LRRTM4: variants seen among roughly 807,000 people sequenced by gnomAD.
LRRTM4 encodes leucine rich repeat transmembrane neuronal 4.
LRRTM4 carries 25 observed loss-of-function variants against 47.6 expected under a neutral mutation model. That is an observed-to-expected ratio of 0.53 (90% CI 0.38 to 0.73). The LOEUF (loss-of-function observed/expected upper bound fraction) is 0.73. Among genes scored for constraint, LRRTM4 ranks in the 30% least tolerant of loss-of-function variants. The pLI, the probability that LRRTM4 is intolerant of heterozygous loss-of-function variation, is 0.00. For synonymous variants in LRRTM4, 311 were observed against 269.5 expected (o/e 1.15, Z -1.51); for missense variants, 638 against 713.4 (o/e 0.89, Z 1.20).
intron 3 of LRRTM4, among the ~76,000 whole-genome samples, chr2:77,020,209 T>C (rs185332536): frequency 3.3e-5 from 5 of 152,176 alleles, no homozygotes; most frequent in African/African-American, 1.2e-4. Flanking sequence ...AGAACTCTTT[T>C]GGTTTGGAAA....
chr2:76,916,028 C>G (rs1278644432), intron 3 of LRRTM4, among the ~76,000 whole-genome samples: 1 of 151,800 alleles, frequency 6.6e-6, no homozygotes, highest in African/African-American at 2.4e-5. Context: ...GAGAAATTTT[C>G]TCAATAATCA....
chr2:77,297,380 C>G (rs1677002061), intron 3 of LRRTM4, among the ~76,000 whole-genome samples: 1 of 152,118 alleles, frequency 6.6e-6, no homozygotes, highest in Non-Finnish European at 1.5e-5. Context: ...AGAGACCATC[C>G]TAATTATTTT....
intron 3 of LRRTM4, among the ~76,000 whole-genome samples, chr2:77,409,711 AAG>A (rs1164299343): frequency 6.6e-6 from 1 of 152,148 alleles, no homozygotes; most frequent in East Asian, 1.9e-4. Flanking sequence ...TTCACTTACC[AAG>A]GTGTTTGTTA....
chr2:77,072,372 T>C (rs1680183708), intron 3 of LRRTM4, among the ~76,000 whole-genome samples: 1 of 152,192 alleles, frequency 6.6e-6, no homozygotes, highest in East Asian at 1.9e-4. Context: ...TTCATTGCAA[T>C]TGAAACATTA....
At chr2:76,901,436 T>C (rs971134682) in intron 3 of LRRTM4, among the ~76,000 whole-genome samples, 3 of 152,112 alleles carry the variant, frequency 2.0e-5, no homozygotes, top group Admixed American at 6.6e-5. Flanking sequence ...CACATTTTCT[T>C]TATCTAGTCT....
At chr2:77,075,350 G>A (rs959932157) in intron 3 of LRRTM4, among the ~76,000 whole-genome samples, 11 of 152,112 alleles carry the variant, frequency 7.2e-5, no homozygotes, top group Admixed American at 2.0e-4. Flanking sequence ...TATTTGTCTC[G>A]ATAAGAAAAT....
intron 3 of LRRTM4, among the ~76,000 whole-genome samples, chr2:76,945,445 G>C (rs1241925207): frequency 6.6e-6 from 1 of 152,034 alleles, no homozygotes; most frequent in African/African-American, 2.4e-5. Flanking sequence ...TGGTGAAAAT[G>C]AAGAGTGAAC....
chr2:77,077,960 A>C (rs1572932830), intron 3 of LRRTM4, among the ~76,000 whole-genome samples: 1 of 152,266 alleles, frequency 6.6e-6, no homozygotes, highest in East Asian at 1.9e-4. Context: ...AGACACAAAG[A>C]AGTAATTTGT....
intron 3 of LRRTM4, among the ~76,000 whole-genome samples, chr2:77,480,820 GTGGAGAGAGAGA>G (rs1468551925): frequency 8.1e-5 from 8 of 99,138 alleles, no homozygotes; most frequent in African/African-American, 3.1e-4. Context: ...GTGTGTGTGT[GTGGAGAGAGAGA>G]GAGAGAGAGA....
intron 3 of LRRTM4, among the ~76,000 whole-genome samples, chr2:76,953,476 GCA>G (rs148436036): frequency 5.3e-5 from 8 of 151,630 alleles, no homozygotes; most frequent in African/African-American, 1.9e-4. Context: ...AAACACACGC[GCA>G]CACACACACA....
At position 76,751,952 on chromosome 2, in the gene LRRTM4, A is replaced by T. The variant is rs1337892322; in HGVS notation, c.1552-3036T>A. 2.0e-5 allele frequency among the ~76,000 whole-genome samples: 3 copies of T among 152,322 alleles called. 1 individual carries two copies. In the East Asian group the frequency reaches 5.8e-4, roughly 29 times the overall value. On this transcript the variant is annotated intron_variant, in intron 3 of 3. Coordinates refer to ENST00000409884, the MANE Select transcript of LRRTM4 (RefSeq NM_001134745.3). ...CAAATTATTTCCAAATGGAAACAAC[A>T]TTCACTGATTATAGAACATTTATTC...
At chr2:77,131,436 T>C (rs1481830408) in intron 3 of LRRTM4, among the ~76,000 whole-genome samples, 1 of 152,184 alleles carries the variant, frequency 6.6e-6, no homozygotes, top group Non-Finnish European at 1.5e-5. Flanking sequence ...GTTAAATTCA[T>C]AAAACAGAAT....
At chr2:77,219,694 G>T (rs1674563175) in intron 3 of LRRTM4, among the ~76,000 whole-genome samples, 1 of 152,154 alleles carries the variant, frequency 6.6e-6, no homozygotes, top group African/African-American at 2.4e-5. Flanking sequence ...AGAACCTGAG[G>T]ATTCCCGCCA....
intron 3 of LRRTM4, among the ~76,000 whole-genome samples, chr2:76,842,610 C>G (rs2103938652): frequency 6.6e-6 from 1 of 152,296 alleles, no homozygotes; most frequent in African/African-American, 2.4e-5. Flanking sequence ...AAAGTGTTGA[C>G]TCACTCACAT....
At chr2:77,036,280 C>G (rs1350480103) in intron 3 of LRRTM4, among the ~76,000 whole-genome samples, 1 of 151,658 alleles carries the variant, frequency 6.6e-6, no homozygotes, top group African/African-American at 2.4e-5. Context: ...TTGGATATAG[C>G]ATTTCTGGCT....
intron 3 of LRRTM4, among the ~76,000 whole-genome samples, chr2:76,914,639 C>G (rs1674183575): frequency 6.6e-6 from 1 of 152,110 alleles, no homozygotes; most frequent in South Asian, 2.1e-4. Context: ...CATTCTTCCT[C>G]TTATCTGACT....
chr2:77,287,374 T>C (rs78751551), intron 3 of LRRTM4, among the ~76,000 whole-genome samples: 169 of 152,018 alleles, frequency 1.1e-3, no homozygotes, highest in Non-Finnish European at 1.8e-3. Context: ...TATCTACTCA[T>C]GCTTTACCTT....
At chr2:77,427,761 T>G (rs1558738788) in intron 3 of LRRTM4, among the ~76,000 whole-genome samples, 1 of 152,216 alleles carries the variant, frequency 6.6e-6, no homozygotes, top group Non-Finnish European at 1.5e-5. Flanking sequence ...TAACCAAGGC[T>G]CCACTGAAGA....
At chr2:77,083,822 T>TTTTTTTTTTC (rs1558569872) in intron 3 of LRRTM4, among the ~76,000 whole-genome samples, 4 of 119,838 alleles carry the variant, frequency 3.3e-5, no homozygotes, top group African/African-American at 1.1e-4. Context: ...TTTTTTTTTT[T>TTTTTTTTTTC]CAGACGGAGT....
Sources: allele counts gnomAD v4.1 joint callset (sites outside exome capture counted in the v4.1 genomes callset), GRCh38; gene constraint gnomAD v4.1.1; transcripts MANE v1.5; gene names NCBI Gene and HGNC (gene_info 2026-07-23, HGNC 2026-07-21).